The following SLC17A1 variants were observed in gnomAD, a reference collection of about 807,000 sequenced individuals.
SLC17A1 encodes sodium-dependent phosphate transport protein 1.
In SLC17A1, 51 loss-of-function variants were observed where a neutral mutation model predicts 53.5. The ratio of observed to expected loss-of-function variants is 0.95; its 90% CI spans 0.76 to 1.20. The LOEUF is 1.20. Ranked by LOEUF, SLC17A1 falls within the 50% of genes most tolerant of loss-of-function variation. SLC17A1 has a pLI of 0.00. For synonymous variants in SLC17A1, 179 were observed against 198.8 expected, an observed-to-expected ratio of 0.90 and a Z score of 0.84; for missense variants, 538 against 568.2, an observed-to-expected ratio of 0.95 and a Z score of 0.54.
intron 12 of SLC17A1, among the ~76,000 whole-genome samples, chr6:25,789,257 C>T (rs994743787): frequency 1.3e-5 from 2 of 152,060 alleles, no homozygotes; most frequent in African/African-American, 4.8e-5. Flanking sequence ...GAAGAACCTC[C>T]AACTGGCCAA....
downstream of SLC17A1, among the ~76,000 whole-genome samples, chr6:25,778,456 C>T (rs1763123041): frequency 6.6e-6 from 1 of 152,154 alleles, no homozygotes. Context: ...CACTAGCATA[C>T]TGTCAGGAAA....
chr6:25,746,070 C>T, the SLC17A1 span, among the ~76,000 whole-genome samples: 6 of 152,134 alleles, frequency 3.9e-5, no homozygotes, highest in Non-Finnish European at 5.9e-5. Context: ...TAGTATTAGC[C>T]GTTATCAATC....
At chr6:25,724,613 G>A in the SLC17A1 span, among the ~76,000 whole-genome samples, 1 of 152,182 alleles carries the variant, frequency 6.6e-6, no homozygotes, top group Non-Finnish European at 1.5e-5. Flanking sequence ...TGGAATAAAA[G>A]AATACACAGG....
At chr6:25,800,869 A>G (rs751453328) in intron 11 of SLC17A1, 21 bp downstream of exon 11, 1 of 1,418,198 alleles carries the variant, frequency 7.1e-7, no homozygotes, top group Admixed American at 1.7e-5. Flanking sequence ...AAAAATAACT[A>G]CACATCTGTA....
At chr6:25,815,929 T>G (rs1764337632) in intron 6 of SLC17A1, among the ~76,000 whole-genome samples, 1 of 88,766 alleles carries the variant, frequency 1.1e-5, no homozygotes, top group African/African-American at 4.6e-5. Context: ...TTTTTTTTTT[T>G]GCCACTTCAG....
At chr6:25,814,889 G>A (rs112290114) in intron 6 of SLC17A1, among the ~76,000 whole-genome samples, 2,982 of 152,002 alleles carry the variant, frequency 0.02, 79 homozygotes, top group African/African-American at 0.065. Context: ...AGGGGGTTGC[G>A]GCAGGAGAAT....
intron 6 of SLC17A1, among the ~76,000 whole-genome samples, chr6:25,815,043 A>G (rs959772849): frequency 1.9e-4 from 29 of 151,578 alleles, no homozygotes; most frequent in African/African-American, 7.0e-4. Flanking sequence ...AGAATGAAAT[A>G]TCTAAGAACT....
At chr6:25,796,682 G>T (rs1288120899) in intron 12 of SLC17A1, among the ~76,000 whole-genome samples, 1 of 151,992 alleles carries the variant, frequency 6.6e-6, no homozygotes, top group Non-Finnish European at 1.5e-5. Flanking sequence ...TTTGTTTAAG[G>T]TGACAAATTT....
chr6:25,752,365 T>TA, the SLC17A1 span, among the ~76,000 whole-genome samples: 1 of 152,032 alleles, frequency 6.6e-6, no homozygotes, highest in Admixed American at 6.5e-5. Context: ...AGTAAAAAGA[T>TA]AAAAAATGGT....
chr6:25,803,463 AC>A (rs1396021656), intron 10 of SLC17A1, among the ~76,000 whole-genome samples: 1 of 152,110 alleles, frequency 6.6e-6, no homozygotes, highest in Non-Finnish European at 1.5e-5. Flanking sequence ...GAGAGTACTA[AC>A]CCCACAAGGT....
chr6:25,735,543 C>G, the SLC17A1 span, among the ~76,000 whole-genome samples: 1 of 151,910 alleles, frequency 6.6e-6, no homozygotes, highest in Non-Finnish European at 1.5e-5. Context: ...CCAAACCATA[C>G]AGTAGAGCTA....
chr6:25,742,512 C>CAAAAAAAAAAAAAAAAAAAAAAAAAAA, the SLC17A1 span, among the ~76,000 whole-genome samples: 1 of 127,154 alleles, frequency 7.9e-6, no homozygotes, highest in Non-Finnish European at 1.6e-5. Flanking sequence ...AAAAACAATA[C>CAAAAAAAAAAAAAAAAAAAAAAAAAAA]AAAAAAAAAA....
chr6:25,727,109 C>G, the SLC17A1 span: 1 of 1,614,194 alleles, frequency 6.2e-7, no homozygotes, highest in Non-Finnish European at 8.5e-7. Context: ...TGAATTCCTT[C>G]GTCACTGATA....
the SLC17A1 span, among the ~76,000 whole-genome samples, chr6:25,724,736 G>T: frequency 6.6e-6 from 1 of 152,056 alleles, no homozygotes; most frequent in African/African-American, 2.4e-5. Context: ...ATCTGTTTAG[G>T]TTTGTCTTAT....
At chr6:25,822,322 T>C (rs897471235) in intron 3 of SLC17A1, among the ~76,000 whole-genome samples, 3 of 152,198 alleles carry the variant, frequency 2.0e-5, no homozygotes, top group African/African-American at 4.8e-5. Context: ...GCAAAGCCTC[T>C]TGTGGTCTGG....
chr6:25,741,826 G>C, the SLC17A1 span, among the ~76,000 whole-genome samples: 1 of 152,072 alleles, frequency 6.6e-6, no homozygotes, highest in Non-Finnish European at 1.5e-5. Context: ...TTTGAACTTG[G>C]GAGGCAGAGG....
At chr6:25,831,137 C>CTTCTATAAA (rs1764931830) in intron 1 of SLC17A1, among the ~76,000 whole-genome samples, 1 of 152,134 alleles carries the variant, frequency 6.6e-6, no homozygotes, top group Admixed American at 6.5e-5. Context: ...GTTACACGTC[C>CTTCTATAAA]ACATGCCCCT....
At chr6:25,743,871 T>C in the SLC17A1 span, among the ~76,000 whole-genome samples, 361 of 152,306 alleles carry the variant, frequency 2.4e-3, 3 homozygotes, top group African/African-American at 8.4e-3. Context: ...CAGATATATG[T>C]ACAAAAGTTC....
At chr6:25,731,724 T>C in the SLC17A1 span, 1 of 1,202,222 alleles carries the variant, frequency 8.3e-7, no homozygotes, top group Admixed American at 2.5e-5. Context: ...TTAGAAACTT[T>C]CATTGGCTCT....
Sources: gnomAD v4.1 joint callset for allele counts (sites outside exome capture counted in the v4.1 genomes callset) on GRCh38, gnomAD v4.1.1 for gene constraint, MANE v1.5 for transcripts, NCBI Gene and HGNC (gene_info 2026-07-23, HGNC 2026-07-21) for gene names.